Variants in NCAM1 observed in about 807,000 individuals in gnomAD.
The protein encoded by NCAM1 is neural cell adhesion molecule 1, also known as antigen recognized by monoclonal antibody 5.1H11.
NCAM1 carries 14 observed loss-of-function variants against 109.8 expected under a neutral mutation model. The observed-to-expected ratio is 0.13, with a 90% CI of 0.08 to 0.20. NCAM1 has a LOEUF of 0.20. Ranked by LOEUF, NCAM1 falls within the 10% of genes least tolerant of loss-of-function variation. The pLI, the probability that NCAM1 is intolerant of heterozygous loss-of-function variation, is 1.00. For synonymous variants in NCAM1, 418 were observed against 442.9 expected (o/e 0.94, Z 0.70); for missense variants, 774 against 1,109.9 (o/e 0.70, Z 4.30).
chr11:113,234,195 C>T (rs1945094239), intron 13 of NCAM1, among the ~76,000 whole-genome samples: 1 of 151,182 alleles, frequency 6.6e-6, no homozygotes, highest in African/African-American at 2.4e-5. Context: ...TCCTAACTTC[C>T]CTCTGAAATC....
intron 1 of NCAM1, among the ~76,000 whole-genome samples, chr11:113,135,622 CT>C (rs1411730911): frequency 6.6e-6 from 1 of 152,166 alleles, no homozygotes; most frequent in Non-Finnish European, 1.5e-5. Flanking sequence ...TGTTTGGGAG[CT>C]ATTTTGCTTA....
intron 1 of NCAM1, among the ~76,000 whole-genome samples, chr11:113,178,564 A>G (rs1039449132): frequency 6.6e-6 from 1 of 152,102 alleles, no homozygotes; most frequent in African/African-American, 2.4e-5. Flanking sequence ...CAATTAGCAA[A>G]CTGTTGAATG....
chr11:113,104,755 A>G (rs905332567), intron 1 of NCAM1, among the ~76,000 whole-genome samples: 5 of 152,192 alleles, frequency 3.3e-5, no homozygotes, highest in Admixed American at 3.3e-4. Flanking sequence ...TATGCAGCTG[A>G]GTCCTGTAAT....
At chr11:113,013,515 A>G (rs1555074847) in intron 1 of NCAM1, among the ~76,000 whole-genome samples, 2 of 151,930 alleles carry the variant, frequency 1.3e-5, no homozygotes, top group African/African-American at 2.4e-5. Context: ...GAACATTGTT[A>G]TGTCTGGAAT....
At chr11:113,235,409 A>C (rs1307579022) in intron 14 of NCAM1, 1 of 816,992 alleles carries the variant, frequency 1.2e-6, no homozygotes, top group Non-Finnish European at 2.1e-6. Context: ...AGCTTGTTAG[A>C]ATAACAGTGA....
rs1591480350 is a variant in NCAM1 at position 113,274,617 on chromosome 11, C to T, written c.2457-650C>T. 6.6e-6 allele frequency among the ~76,000 whole-genome samples: 1 copy of T among 152,184 alleles called. No individual in the cohort carries two copies. Among genetic ancestry groups the T allele is most frequent in the African/African-American group, 2.4e-5 (1 of 41,456 alleles). On this transcript the variant is annotated intron_variant, in intron 19 of 19. Coordinates refer to ENST00000316851, the MANE Select transcript of NCAM1 (RefSeq NM_181351.5). The surrounding 1 kb of genome is among the most constrained non-coding windows in gnomAD (Gnocchi z 4.1). ...TCGGGAGGGAAAAGGACTCTGATAGCCCTGCCCACTCAGCTGCCCTCAACT... is the reference window on the plus strand; with the variant it reads ...TCGGGAGGGAAAAGGACTCTGATAGTCCTGCCCACTCAGCTGCCCTCAACT...
At chr11:113,159,396 C>T (rs895289394) in intron 1 of NCAM1, among the ~76,000 whole-genome samples, 4 of 152,126 alleles carry the variant, frequency 2.6e-5, no homozygotes, top group Non-Finnish European at 5.9e-5. Context: ...GATAATTAGG[C>T]AATATCCAGA....
intron 1 of NCAM1, among the ~76,000 whole-genome samples, chr11:113,066,114 G>A (rs1937943884): frequency 6.6e-6 from 1 of 151,978 alleles, no homozygotes; most frequent in Non-Finnish European, 1.5e-5. Flanking sequence ...ATGAACATAT[G>A]AATTTATTAA....
chr11:113,133,414 A>T (rs879967633), intron 1 of NCAM1: 7 of 152,202 alleles, frequency 4.6e-5, no homozygotes, highest in Non-Finnish European at 8.8e-5. Flanking sequence ...TGTTGCAATG[A>T]AATTCCTTCA....
At chr11:113,254,653 G>A (rs1197557060) in intron 15 of NCAM1, among the ~76,000 whole-genome samples, 3 of 152,192 alleles carry the variant, frequency 2.0e-5, no homozygotes, top group African/African-American at 7.2e-5. Flanking sequence ...GGCCAATGGT[G>A]TAGTTTTAGG....
At position 113,274,229 on chromosome 11, in the gene NCAM1, C is replaced by T. The variant is rs1946357934; in HGVS notation, c.2457-1038C>T. ...TCAGAGGTCCCCTCACACTGTGGCT[C>T]AGATGCTCACCCTCCCCTCCCAACC... On this transcript the variant is annotated intron_variant, in intron 19 of 19. Transcript: ENST00000316851. This position sits in a 1 kb window ranked among gnomAD's most constrained non-coding sequence, Gnocchi z 4.1. Among the ~76,000 whole-genome samples, 1 of 152,190 alleles carries T rather than the reference C, an allele frequency of 6.6e-6. No individual in the cohort carries two copies. Among genetic ancestry groups the T allele is most frequent in the Admixed American group, 6.5e-5 (1 of 15,282 alleles).
At chr11:113,011,412 G>T (rs993104434) in intron 1 of NCAM1, among the ~76,000 whole-genome samples, 2 of 151,932 alleles carry the variant, frequency 1.3e-5, no homozygotes, top group African/African-American at 4.8e-5. Flanking sequence ...GAATAATGCC[G>T]CAATAAACAT....
intron 1 of NCAM1, among the ~76,000 whole-genome samples, chr11:112,972,531 T>C (rs1424936599): frequency 6.6e-6 from 1 of 152,130 alleles, no homozygotes; most frequent in Non-Finnish European, 1.5e-5. Flanking sequence ...TATATATAGG[T>C]ATAATCCCAA....
At position 113,273,690 on chromosome 11, in the gene NCAM1, C is replaced by T. The variant is rs782039039; in HGVS notation, c.2457-1577C>T. 7 of 455,762 alleles carry T rather than the reference C, an allele frequency of 1.5e-5. No individual in the cohort carries two copies. The highest frequency in any genetic ancestry group is 4.0e-5 in the African/African-American group (2 of 50,062). 28.2% of individuals were successfully genotyped at this position (455,762 alleles called of 1,614,324 possible). A position where few individuals can be genotyped will look rare whatever the true frequency, so the allele number is the denominator to read the frequency against. ...CGCCGCTGGGGCCAGTGGACAAGCCCCTGAGCTTGCTCCTTCCACTGCAGA... is the reference window on the plus strand; with the variant it reads ...CGCCGCTGGGGCCAGTGGACAAGCCTCTGAGCTTGCTCCTTCCACTGCAGA... On this transcript the variant is annotated intron_variant, in intron 19 of 19. Transcript: ENST00000316851. This position sits in a 1 kb window ranked among gnomAD's most constrained non-coding sequence, Gnocchi z 6.0.
chr11:113,010,488 C>G (rs1166236453), intron 1 of NCAM1, among the ~76,000 whole-genome samples: 2 of 152,258 alleles, frequency 1.3e-5, no homozygotes, highest in Admixed American at 1.3e-4. Context: ...AAAACCACCT[C>G]ACCTGTTATT....
intron 1 of NCAM1, among the ~76,000 whole-genome samples, chr11:113,116,112 C>T (rs782435597): frequency 1.3e-5 from 2 of 152,156 alleles, no homozygotes; most frequent in Non-Finnish European, 2.9e-5. Context: ...TAAAGGTATT[C>T]TTGTATGTAG....
chr11:113,261,939 T>A (rs1555123441), intron 17 of NCAM1, among the ~76,000 whole-genome samples: 1 of 152,190 alleles, frequency 6.6e-6, no homozygotes, highest in Non-Finnish European at 1.5e-5. Flanking sequence ...GAGTTGTGCC[T>A]GCTGGAGATA....
chr11:113,245,090 G>GTT (rs113910402), intron 14 of NCAM1, among the ~76,000 whole-genome samples: 8 of 144,720 alleles, frequency 5.5e-5, no homozygotes, highest in Admixed American at 2.1e-4. Context: ...TAAGAAAAGT[G>GTT]TTTTTTTTTT....
intron 1 of NCAM1, among the ~76,000 whole-genome samples, chr11:112,976,832 T>C (rs1460862015): frequency 6.6e-6 from 1 of 151,938 alleles, no homozygotes; most frequent in African/African-American, 2.4e-5. Context: ...TAAAACTATA[T>C]CTGTAGAAGT....
Sources: allele counts gnomAD v4.1 joint callset (sites outside exome capture counted in the v4.1 genomes callset), GRCh38; gene constraint gnomAD v4.1.1; non-coding constraint Gnocchi (gnomAD v3.1); transcripts MANE v1.5; gene names NCBI Gene and HGNC (gene_info 2026-07-23, HGNC 2026-07-21).